FIG4: variants seen among roughly 807,000 people sequenced by gnomAD.
FIG4 encodes the protein FIG4 phosphoinositide 5-phosphatase.
A neutral mutation model predicts 118.6 loss-of-function variants in FIG4; 112 were observed. The observed-to-expected ratio is 0.94, with a 90% CI of 0.81 to 1.11. The LOEUF (loss-of-function observed/expected upper bound fraction) is 1.11, where lower values mean the gene tolerates loss of function less well. Ranked by LOEUF, FIG4 falls within the 50% of genes least tolerant of loss-of-function variation. FIG4 has a pLI of 0.00. For synonymous variants in FIG4, 369 were observed against 381.2 expected (o/e 0.97, Z 0.37); for missense variants, 969 against 1,111.7 (o/e 0.87, Z 1.83).
rs1252896919 is a variant in FIG4, at chr6:109,738,316, A to G, written c.647-9A>G. On this transcript the variant is annotated splice_polypyrimidine_tract_variant and intron_variant, in intron 6 of 22. Transcript: ENST00000230124. The stretch of plus-strand genomic sequence containing the variant: ...TATTTATGGACTGATACAGACTTTT[A>G]TTTTTCAGGGGTATTTGGGATCTGT... 1 of 1,600,310 alleles carries G rather than the reference A, an allele frequency of 6.2e-7. No homozygotes were observed. The highest frequency in any genetic ancestry group is 8.6e-7 in the Non-Finnish European group (1 of 1,167,970).
At chr6:109,730,235 A>G (rs1481986295) in intron 4 of FIG4, among the ~76,000 whole-genome samples, 1 of 151,824 alleles carries the variant, frequency 6.6e-6, no homozygotes, top group East Asian at 1.9e-4. Flanking sequence ...TTTCGGCAGA[A>G]ATAGGGTCTT....
At position 109,786,147 on chromosome 6, in the gene FIG4, CTG is replaced by C. The variant is rs1308087852; in HGVS notation, c.1949-151_1949-150del. The stretch of plus-strand genomic sequence containing the variant: ...TGCATCTATCTCATCTCCTTTCTAA[CTG>C]TGTAAGTGTTGGAGGCAGGAGCTTA... On this transcript the variant is annotated intron_variant, in intron 17 of 22. Transcript: ENST00000230124. 7.9e-6 allele frequency: 5 copies of C among 634,618 alleles called. No homozygotes were observed. The African/African-American group carries it at 9.2e-5, about 12-fold the overall frequency. 39.3% of individuals were successfully genotyped at this position (634,618 alleles called of 1,614,324 possible). A position where few individuals can be genotyped will look rare whatever the true frequency, so the allele number is the denominator to read the frequency against.
Position 109,732,685 on chromosome 6 carries a change from T to C in FIG4, c.495T>C (p.Phe165=), listed in dbSNP as rs1776042903. The change falls in exon 5 of 23, where the codon TTT becomes TTC. Residue 165 remains phenylalanine (F), a splice_region_variant and synonymous_variant. Transcript: ENST00000230124. ...TGGACCTATCTAGCAATTTTTACTT[T>C]AGGTAAGTGTGAGGTTAGTTTTGCT... The part of the protein sequence containing the change: ...QNVDLSSNFY[F]SYSYDLSHSL... The C allele has an allele frequency of 4.6e-6, 7 of 1,535,570 alleles. No homozygotes were observed. The highest frequency in any genetic ancestry group is 2.7e-5 in the African/African-American group (2 of 73,578).
chr6:109,711,293 T>G (rs1775251825), intron 1 of FIG4, among the ~76,000 whole-genome samples: 1 of 152,066 alleles, frequency 6.6e-6, no homozygotes, highest in Non-Finnish European at 1.5e-5. Context: ...TCCCAGCTAC[T>G]CAGGAGGCTG....
Position 109,763,974 on chromosome 6 carries a change from C to A in FIG4, c.1426C>A (p.Arg476Ser). 1 of 1,604,242 alleles carries A rather than the reference C, an allele frequency of 6.2e-7. No individual in the cohort carries two copies. Among genetic ancestry groups the A allele is most frequent in the Non-Finnish European group, 8.5e-7 (1 of 1,171,064 alleles). Reference protein sequence around the residue: ...ELGGCVIPTGRLQTGILRTNC... With the variant: ...ELGGCVIPTGSLQTGILRTNC... ...AGGAGGATGTGTGATTCCCACTGGT[C>A]GCCTGCAGGTATACACAGTATTACA... Residue 476 changes from arginine (R) to serine (S), a missense_variant, in exon 13 of 23, where the codon CGC becomes AGC. By Grantham distance (110) the Arg-to-Ser change is moderately radical (BLOSUM62 -1). Coordinates refer to ENST00000230124, the MANE Select transcript of FIG4 (RefSeq NM_014845.6).
intron 1 of FIG4, among the ~76,000 whole-genome samples, chr6:109,696,727 GAGGGTAGGA>G (rs1350334117): frequency 6.6e-6 from 1 of 152,166 alleles, no homozygotes; most frequent in African/African-American, 2.4e-5. Context: ...GTGGTTATTC[GAGGGTAGGA>G]AGGGTAGGAA....
intron 17 of FIG4, chr6:109,785,791 G>C (rs1777936251): frequency 6.7e-6 from 3 of 446,858 alleles, no homozygotes; most frequent in East Asian, 7.1e-5. Context: ...AAGTATTTTT[G>C]GTTCTTATTA....
intron 22 of FIG4, among the ~76,000 whole-genome samples, chr6:109,811,038 G>A (rs1401306543): frequency 2.6e-5 from 4 of 152,096 alleles, no homozygotes; most frequent in African/African-American, 9.7e-5. Context: ...AAACCAAGCT[G>A]GTAAAATTTC....
At chr6:109,796,920 C>A in intron 22 of FIG4, 69 bp downstream of exon 22, 1 of 925,506 alleles carries the variant, frequency 1.1e-6, no homozygotes, top group Non-Finnish European at 1.8e-6. Flanking sequence ...TCTTTAAAGA[C>A]TTTTTAAGAA....
At chr6:109,749,369 C>G (rs1776615848) in intron 10 of FIG4, among the ~76,000 whole-genome samples, 1 of 151,896 alleles carries the variant, frequency 6.6e-6, no homozygotes, top group African/African-American at 2.4e-5. Flanking sequence ...TAACCTCAGC[C>G]TAGTATTAAA....
chr6:109,691,404 G>A lies in FIG4; in HGVS notation c.-32G>A. The A allele has an allele frequency of 6.4e-7, 1 of 1,554,854 alleles. No homozygotes were observed. The highest frequency in any genetic ancestry group is 8.7e-7 in the Non-Finnish European group (1 of 1,146,836). On this transcript the variant is annotated 5_prime_UTR_variant, in exon 1 of 23. Transcript: ENST00000230124. ...CTCCTGGGGCGGTCCGGAGGCTCGT[G>A]CCCTGTTGTGGGGCCCCCATTTGCC...
intron 15 of FIG4, among the ~76,000 whole-genome samples, chr6:109,774,188 C>T (rs961099319): frequency 5.3e-5 from 8 of 152,196 alleles, no homozygotes; most frequent in Non-Finnish European, 1.0e-4. Flanking sequence ...ATATGATCCC[C>T]ACCTTCCAGA....
intron 11 of FIG4, among the ~76,000 whole-genome samples, chr6:109,760,739 G>C (rs985575929): frequency 6.6e-6 from 1 of 152,088 alleles, no homozygotes; most frequent in Non-Finnish European, 1.5e-5. Flanking sequence ...GTATATAGTA[G>C]ATCCAAACTC....
intron 1 of FIG4, among the ~76,000 whole-genome samples, chr6:109,699,920 A>G (rs1774855738): frequency 1.3e-5 from 2 of 152,186 alleles, no homozygotes; most frequent in South Asian, 4.1e-4. Context: ...GTCCAAGATC[A>G]AGGCACTGGC....
chr6:109,786,501 T>C (rs779031992), intron 18 of FIG4, 52 bp downstream of exon 18: 1 of 1,587,084 alleles, frequency 6.3e-7, no homozygotes, highest in Non-Finnish European at 8.6e-7. Flanking sequence ...GTAGTTTTCC[T>C]AGTTTGTATA....
intron 22 of FIG4, among the ~76,000 whole-genome samples, chr6:109,820,913 A>G (rs937953595): frequency 6.6e-6 from 1 of 152,174 alleles, no homozygotes; most frequent in Non-Finnish European, 1.5e-5. Flanking sequence ...CAAGAGGAAG[A>G]AGCAGGAGGA....
chr6:109,812,797 T>C (rs1562697727), intron 22 of FIG4, among the ~76,000 whole-genome samples: 1 of 152,014 alleles, frequency 6.6e-6, no homozygotes, highest in African/African-American at 2.4e-5. Context: ...TAGGACAGTA[T>C]CTGGAGGGGA....
At chr6:109,732,749 G>A in intron 5 of FIG4, 62 bp downstream of exon 5, 3 of 1,001,612 alleles carry the variant, frequency 3.0e-6, no homozygotes, top group Middle Eastern at 2.1e-4. Flanking sequence ...TTTTCCAGCG[G>A]GTAAAAGCAG....
intron 1 of FIG4, among the ~76,000 whole-genome samples, chr6:109,697,289 G>A (rs1379147858): frequency 6.6e-6 from 1 of 150,540 alleles, no homozygotes; most frequent in Non-Finnish European, 1.5e-5. Flanking sequence ...AGGGAAAAAT[G>A]TATGATTCAG....
Sources: gnomAD v4.1 joint callset for allele counts (sites outside exome capture counted in the v4.1 genomes callset) on GRCh38, gnomAD v4.1.1 for gene constraint, MANE v1.5 for transcripts, NCBI Gene and HGNC (gene_info 2026-07-23, HGNC 2026-07-21) for gene names.